The following PCDHGA1 variants were observed in gnomAD, a reference collection of about 807,000 sequenced individuals.
PCDHGA1 encodes protocadherin gamma-A1.
In PCDHGA1, 32 loss-of-function variants were observed where a neutral mutation model predicts 58.0. That is an observed-to-expected ratio of 0.55 (90% confidence interval 0.42 to 0.74). PCDHGA1 has a LOEUF of 0.74. Ranked by LOEUF, PCDHGA1 falls within the 30% of genes least tolerant of loss-of-function variation. The probability of loss-of-function intolerance (pLI) is 0.00; values close to 1 mark genes in which losing one functional copy is unlikely to be tolerated. For missense variants in PCDHGA1, 1,205 were observed against 1,182.3 expected (o/e 1.02, Z -0.28); for synonymous variants, 498 against 501.1 (o/e 0.99, Z 0.08).
chr5:141,413,533 C>T (rs777022301), intron 1 of PCDHGA1: 1 of 1,613,934 alleles, frequency 6.2e-7, no homozygotes, highest in Admixed American at 1.7e-5. Context: ...CAGGGTGAAA[C>T]TTTTTGGGAT....
intron 2 of PCDHGA1, among the ~76,000 whole-genome samples, chr5:141,495,720 G>A (rs1048453188): frequency 2.6e-5 from 4 of 152,080 alleles, no homozygotes; most frequent in Non-Finnish European, 5.9e-5. Context: ...GTAACTACAC[G>A]GGACCCTTAG....
rs758782567 is a variant in PCDHGA1, at chr5:141,486,792, G to A, written c.2422-8015G>A. ...CAGTTTGAGGTGCAGGCCCGGGATCGGGGCAACCCACCCCTTAGCAGCACT... is the reference window on the plus strand; with the variant it reads ...CAGTTTGAGGTGCAGGCCCGGGATCAGGGCAACCCACCCCTTAGCAGCACT... On this transcript the variant is annotated intron_variant, in intron 1 of 3. Coordinates refer to ENST00000517417, the MANE Select transcript of PCDHGA1 (RefSeq NM_018912.3). This position sits in a 1 kb window ranked among gnomAD's most constrained non-coding sequence, Gnocchi z 5.0. The A allele has an allele frequency of 3.7e-5, 59 of 1,614,094 alleles. No homozygotes were observed. The Middle Eastern group carries it at 4.9e-4, about 13-fold the overall frequency.
In PCDHGA1 at chr5:141,332,176, G is replaced by T. The variant is rs1281213794; in HGVS notation, c.1492G>T (p.Gly498Trp). ...TYSLIEDTIQGAPLSAYLSIN... is the reference protein window; with the variant it reads ...TYSLIEDTIQWAPLSAYLSIN... ...CTCCCTAATAGAGGACACTATCCAG[G>T]GGGCACCCCTATCTGCCTACCTCTC... The change falls in exon 1 of 4, where the codon GGG (glycine) becomes TGG (tryptophan). Residue 498 changes from glycine to tryptophan, a missense_variant. Physicochemically the swap from Gly to Trp is radical, Grantham distance 184 (BLOSUM62 -2). Coordinates refer to ENST00000517417, the MANE Select transcript of PCDHGA1 (RefSeq NM_018912.3). The surrounding 1 kb of genome is among the most constrained non-coding windows in gnomAD (Gnocchi z 4.6). The T allele has an allele frequency of 3.7e-6, 6 of 1,614,022 alleles. No individual in the cohort carries two copies. The African/African-American group carries it at 8.0e-5, about 22-fold the overall frequency.
chr5:141,331,471 A>G lies in PCDHGA1; in HGVS notation c.787A>G (p.Met263Val), dbSNP rs1756359408. ...CGTGCCGCTGGGTACTCAGCTGCTC[A>G]TGGTAAATGCCACTGACCCTGATGA... ...ENVPLGTQLL[M>V]VNATDPDEGA... The change falls in exon 1 of 4, where the codon ATG (methionine) becomes GTG (valine). Residue 263 changes from methionine to valine, a missense_variant. By Grantham distance (21) the Met-to-Val change is conservative. Coordinates refer to ENST00000517417, the MANE Select transcript of PCDHGA1 (RefSeq NM_018912.3). 6.2e-7 allele frequency: 1 copy of G among 1,614,198 alleles called. No individual in the cohort carries two copies. The highest frequency in any genetic ancestry group is 8.5e-7 in the Non-Finnish European group (1 of 1,180,038).
Position 141,394,702 on chromosome 5 carries a change from G to A in PCDHGA1, c.2421+61597G>A, listed in dbSNP as rs1246576971. On this transcript the variant is annotated intron_variant, in intron 1 of 3. Coordinates refer to ENST00000517417, the MANE Select transcript of PCDHGA1 (RefSeq NM_018912.3). Reference sequence around the variant, plus strand: ...CACACGGGCGAGGTGCGCACGGCGCGAGCCCTGCTGGACAGAGATGCGCTC... The same window carrying A: ...CACACGGGCGAGGTGCGCACGGCGCAAGCCCTGCTGGACAGAGATGCGCTC... 1.9e-5 allele frequency: 31 copies of A among 1,613,178 alleles called. No homozygotes were observed. Among genetic ancestry groups the A allele is most frequent in the Non-Finnish European group, 2.5e-5 (29 of 1,179,882 alleles).
chr5:141,403,256 T>G, intron 1 of PCDHGA1: 3 of 1,613,854 alleles, frequency 1.9e-6, no homozygotes, highest in Non-Finnish European at 2.5e-6. Flanking sequence ...GAGCCCGCGG[T>G]GTCTGGTGAA....
At position 141,409,172 on chromosome 5, in the gene PCDHGA1, G is replaced by T. The variant is rs574905228; in HGVS notation, c.2421+76067G>T. ...CACCATGGAAGTGGAAGCGAAGGAC[G>T]GAGGTGGTCTCTCTACCCAGTGTAA... On this transcript the variant is annotated intron_variant, in intron 1 of 3. Coordinates refer to ENST00000517417, the MANE Select transcript of PCDHGA1 (RefSeq NM_018912.3). The T allele has an allele frequency of 1.4e-5, 22 of 1,614,006 alleles. No homozygotes were observed. In the South Asian group the frequency reaches 2.4e-4, roughly 18 times the overall value.
At chr5:141,445,558 G>A (rs1172697298) in intron 1 of PCDHGA1, among the ~76,000 whole-genome samples, 1 of 152,172 alleles carries the variant, frequency 6.6e-6, no homozygotes, top group Non-Finnish European at 1.5e-5. Flanking sequence ...AAAGCACTAA[G>A]AGAAAGCTTA....
intron 1 of PCDHGA1, chr5:141,376,291 C>A (rs780024608): frequency 6.2e-7 from 1 of 1,614,158 alleles, no homozygotes; most frequent in South Asian, 1.1e-5. Flanking sequence ...CGAGCATGCC[C>A]GGCTCGCACT....
chr5:141,415,866 T>A, intron 1 of PCDHGA1: 1 of 1,115,266 alleles, frequency 9.0e-7, no homozygotes, highest in Non-Finnish European at 1.2e-6. Context: ...GTTTATAGTG[T>A]TGTTGAGTAC....
chr5:141,413,140 A>T (rs2095607783), intron 1 of PCDHGA1: 1 of 1,563,150 alleles, frequency 6.4e-7, no homozygotes, highest in Non-Finnish European at 8.7e-7. Flanking sequence ...CAACGTGTCC[A>T]GTGAGGACTT....
At chr5:141,393,980 T>C (rs745601350) in intron 1 of PCDHGA1, 132 of 1,613,686 alleles carry the variant, frequency 8.2e-5, no homozygotes, top group Admixed American at 6.7e-5. Context: ...CACGTGATAA[T>C]TTACCTTTTA....
chr5:141,356,845 A>G (rs1760361286), intron 1 of PCDHGA1: 15 of 1,614,178 alleles, frequency 9.3e-6, no homozygotes, highest in Non-Finnish European at 1.2e-5. Context: ...TGTGTCACTG[A>G]GCCTCTTTGT....
chr5:141,509,787 TCTC>T (rs2099878266), intron 3 of PCDHGA1, among the ~76,000 whole-genome samples: 1 of 152,132 alleles, frequency 6.6e-6, no homozygotes, highest in Non-Finnish European at 1.5e-5. Context: ...GAGATCATCA[TCTC>T]CTCAGCTTCA....
intron 1 of PCDHGA1, chr5:141,338,932 TGCTGGAAGTTG>T (rs759988958): frequency 2.7e-5 from 41 of 1,521,740 alleles, no homozygotes; most frequent in Non-Finnish European, 3.6e-5. Flanking sequence ...CCGCACTGGA[TGCTGGAAGTTG>T]ACTCGGAGAA....
At chr5:141,389,733 C>A in intron 1 of PCDHGA1, 1 of 1,612,786 alleles carries the variant, frequency 6.2e-7, no homozygotes, top group Non-Finnish European at 8.5e-7. Flanking sequence ...GCTCTTCAGC[C>A]TGGGGCTGCG....
In PCDHGA1 at chr5:141,365,655, T is replaced by C. The variant is rs759352758; in HGVS notation, c.2421+32550T>C. On this transcript the variant is annotated intron_variant, in intron 1 of 3. Coordinates refer to ENST00000517417, the MANE Select transcript of PCDHGA1 (RefSeq NM_018912.3). ...ACAGAAAGCCACATCCCCTTGAAAGTAGCAGACGTTAATGACAACCCACCC... is the reference window on the plus strand; with the variant it reads ...ACAGAAAGCCACATCCCCTTGAAAGCAGCAGACGTTAATGACAACCCACCC... 8.7e-6 allele frequency: 14 copies of C among 1,613,386 alleles called. No individual in the cohort carries two copies. Among genetic ancestry groups the C allele is most frequent in the African/African-American group, 4.0e-5 (3 of 74,886 alleles).
At chr5:141,392,160 T>C (rs1426961496) in intron 1 of PCDHGA1, 1 of 152,220 alleles carries the variant, frequency 6.6e-6, no homozygotes, top group Non-Finnish European at 1.5e-5. Context: ...TAAAACAATT[T>C]CTGAGTCAGT....
At chr5:141,399,588 C>A (rs2093842272) in intron 1 of PCDHGA1, 1 of 1,613,894 alleles carries the variant, frequency 6.2e-7, no homozygotes, top group South Asian at 1.1e-5. Context: ...CCTACTCTAT[C>A]ATGGCCAGCG....
Sources: gnomAD v4.1 joint callset for allele counts (sites outside exome capture counted in the v4.1 genomes callset) on GRCh38, gnomAD v4.1.1 for gene constraint, Gnocchi (gnomAD v3.1) non-coding constraint, MANE v1.5 for transcripts, NCBI Gene and HGNC (gene_info 2026-07-23, HGNC 2026-07-21) for gene names.